TUBGCP5: variants seen among roughly 807,000 people sequenced by gnomAD.
TUBGCP5 encodes tubulin gamma complex component 5, also known as gamma-tubulin complex component 5.
Under a neutral mutation model 134.7 loss-of-function variants are expected in TUBGCP5, and 98 were observed. That is an observed-to-expected ratio of 0.73 (90% confidence interval 0.62 to 0.86). TUBGCP5 has a LOEUF of 0.86. Among genes scored for constraint, TUBGCP5 ranks in the 40% least tolerant of loss-of-function variants. The probability of loss-of-function intolerance (pLI) is 0.00; values close to 1 mark genes in which losing one functional copy is unlikely to be tolerated. For missense variants in TUBGCP5, 1,150 were observed against 1,244.8 expected (o/e 0.92, Z 1.15); for synonymous variants, 456 against 431.4 (o/e 1.06, Z -0.71).
chr15:22,994,195 C>A (rs2063963743), downstream of TUBGCP5, among the ~76,000 whole-genome samples: 1 of 152,104 alleles, frequency 6.6e-6, no homozygotes, highest in Non-Finnish European at 1.5e-5. Flanking sequence ...TCAAGAGATT[C>A]TCCTGCCTCA....
intron 7 of TUBGCP5, among the ~76,000 whole-genome samples, chr15:23,026,937 T>C (rs898108931): frequency 1.3e-4 from 20 of 151,344 alleles, no homozygotes; most frequent in Non-Finnish European, 5.9e-5. Flanking sequence ...TGTCTCCCCC[T>C]GCAAAAAAAA....
rs1567118330 is a variant in TUBGCP5, at chr15:23,010,192, A to T, written c.1956-59T>A. ...AGCTGCTGTCAACAGAACTCTCTTA[A>T]ATCAAAACCCTGAAGTTCCATTTTT... On this transcript the variant is annotated intron_variant, in intron 14 of 22. Coordinates refer to ENST00000615383, the MANE Select transcript of TUBGCP5 (RefSeq NM_052903.6). 9.2e-6 allele frequency: 14 copies of T among 1,527,252 alleles called. No homozygotes were observed. In the East Asian group the frequency reaches 1.4e-4, roughly 15 times the overall value. The allele number at this position is 1,527,252 out of a possible 1,614,324, so 94.6% of individuals were successfully genotyped here.
intron 8 of TUBGCP5, 23 bp from the exon 9 acceptor site, chr15:23,024,853 C>G (rs757477830): frequency 7.2e-7 from 1 of 1,382,978 alleles, no homozygotes; most frequent in South Asian, 1.2e-5. Context: ...TAAAAAAAGA[C>G]GAGTGTACTT....
At chr15:23,032,096 A>C in intron 4 of TUBGCP5, 67 bp from the exon 5 acceptor site, 1 of 1,172,370 alleles carries the variant, frequency 8.5e-7, no homozygotes, top group Non-Finnish European at 1.2e-6. Context: ...CCTCAAAACT[A>C]AGGAAAAAAG....
chr15:23,011,398 TA>T lies in TUBGCP5; in HGVS notation c.1757-68del, dbSNP rs2065023974. Reference sequence around the variant, plus strand: ...TAATCATATTAAGTAACATTCTGTTTAATCATATTAACATTAACAATATATT... The same window carrying T: ...TAATCATATTAAGTAACATTCTGTTTATCATATTAACATTAACAATATATT... On this transcript the variant is annotated intron_variant, in intron 13 of 22. Coordinates refer to ENST00000615383, the MANE Select transcript of TUBGCP5 (RefSeq NM_052903.6). 11 of 985,406 alleles carry T rather than the reference TA, an allele frequency of 1.1e-5. No individual in the cohort carries two copies. In the African/African-American group the frequency reaches 1.3e-4, roughly 12 times the overall value. The allele number at this position is 985,406 out of a possible 1,614,324, so 61.0% of individuals were successfully genotyped here.
intron 18 of TUBGCP5, 118 bp from the exon 19 acceptor site, chr15:23,005,728 CA>C: frequency 9.0e-7 from 1 of 1,107,102 alleles, no homozygotes; most frequent in Non-Finnish European, 1.3e-6. Context: ...AAAGCACTGG[CA>C]GGGGTGGCAG....
Position 23,024,147 on chromosome 15 carries a change from A to G in TUBGCP5, c.968T>C (p.Val323Ala), listed in dbSNP as rs2065866809. 2 of 1,614,104 alleles carry G rather than the reference A, an allele frequency of 1.2e-6. No homozygotes were observed. Among genetic ancestry groups the G allele is most frequent in the Non-Finnish European group, 1.7e-6 (2 of 1,180,010 alleles). The change falls in exon 10 of 23, where the codon GTT (valine) becomes GCT (alanine). Residue 323 changes from valine to alanine, a missense_variant. Physicochemically the swap from Val to Ala is moderately conservative, Grantham distance 64. Coordinates refer to ENST00000615383, the MANE Select transcript of TUBGCP5 (RefSeq NM_052903.6). ...AATGAACTCCTGGAGTCGAAACACA[A>G]CCTGGCCATATGCTGCTATTTGTTC... ...VLEQIAAYGQ[V>A]VFRLQEFIDE...
chr15:23,005,853 T>C, intron 18 of TUBGCP5, 199 bp downstream of exon 18: 1 of 673,036 alleles, frequency 1.5e-6, no homozygotes, highest in Non-Finnish European at 2.4e-6. Context: ...CTGATCTTTC[T>C]TTCAGGCATT....
At chr15:23,000,710 G>T in intron 21 of TUBGCP5, 41 bp from the exon 22 acceptor site, 1 of 1,463,860 alleles carries the variant, frequency 6.8e-7, no homozygotes, top group Non-Finnish European at 9.4e-7. Flanking sequence ...AGTGCATTGC[G>T]GGTATATAGG....
chr15:23,000,263 G>T, intron 22 of TUBGCP5: 6 of 1,242,040 alleles, frequency 4.8e-6, no homozygotes, highest in Non-Finnish European at 6.0e-6. Context: ...AAAAGAAATA[G>T]TTACAAAAAC....
chr15:23,011,965 T>C (rs72696022), intron 13 of TUBGCP5, among the ~76,000 whole-genome samples: 31,331 of 151,112 alleles, frequency 0.21, 3,741 homozygotes, highest in South Asian at 0.27. Context: ...AAAAATTAGC[T>C]GAGTGCAGTG....
At chr15:22,997,854 G>A (rs1234777895), downstream of TUBGCP5, among the ~76,000 whole-genome samples, 3 of 150,420 alleles carry the variant, frequency 2.0e-5, no homozygotes, top group Non-Finnish European at 4.4e-5. Flanking sequence ...CTGACCTCAT[G>A]ATCCACCCAC....
intron 12 of TUBGCP5, 40 bp from the exon 13 acceptor site, chr15:23,018,081 T>C: frequency 1.3e-6 from 2 of 1,550,980 alleles, no homozygotes; most frequent in Non-Finnish European, 8.7e-7. Flanking sequence ...TTATTTCTCT[T>C]TCTTAAAAAC....
At chr15:23,019,439 CTA>C (rs2140525406) in intron 11 of TUBGCP5, 105 bp from the exon 12 acceptor site, 4 of 744,274 alleles carry the variant, frequency 5.4e-6, no homozygotes, top group East Asian at 5.4e-5. Flanking sequence ...GATCGGATTT[CTA>C]TGTTTTTTGG....
chr15:23,005,893 G>A lies in TUBGCP5; in HGVS notation c.2533+159C>T, dbSNP rs933736604. Reference sequence around the variant, plus strand: ...GTCCATAAAACTACTGCTAGAATACGCACCATTTTGGCATTTGTGTACACA... The same window carrying A: ...GTCCATAAAACTACTGCTAGAATACACACCATTTTGGCATTTGTGTACACA... On this transcript the variant is annotated intron_variant, in intron 18 of 22. Coordinates refer to ENST00000615383, the MANE Select transcript of TUBGCP5 (RefSeq NM_052903.6). The A allele has an allele frequency of 6.6e-5, 50 of 761,958 alleles. 1 individual carries two copies. The South Asian group carries it at 7.0e-4, about 11-fold the overall frequency. 47.2% of individuals were successfully genotyped at this position (761,958 alleles called of 1,614,324 possible).
chr15:23,031,156 C>T, intron 5 of TUBGCP5, 136 bp from the exon 6 acceptor site: 1 of 801,000 alleles, frequency 1.2e-6, no homozygotes, highest in Non-Finnish European at 1.9e-6. Flanking sequence ...ATTTTTTTTT[C>T]CTAAATCTCT....
intron 23 of TUBGCP5, among the ~76,000 whole-genome samples, chr15:22,988,740 A>AAC (rs2063761283): frequency 1.3e-5 from 2 of 150,832 alleles, no homozygotes; most frequent in South Asian, 4.2e-4. Context: ...CGTCTCAAAA[A>AAC]AAAAAAAAAT....
At chr15:23,008,944 C>A in intron 15 of TUBGCP5, 63 bp from the exon 16 acceptor site, 2 of 1,397,794 alleles carry the variant, frequency 1.4e-6, no homozygotes, top group South Asian at 3.0e-5. Context: ...GATTCTGGAT[C>A]AACAACAGGT....
rs567759348 is a variant in TUBGCP5 at position 23,031,341 on chromosome 15, G to C, written c.487-321C>G. Among the ~76,000 whole-genome samples, 82 of 150,864 alleles carry C rather than the reference G, an allele frequency of 5.4e-4. 1 individual carries two copies. The highest frequency in any genetic ancestry group is 1.1e-3 in the Non-Finnish European group (73 of 67,798). On this transcript the variant is annotated intron_variant, in intron 5 of 22. Transcript: ENST00000615383. ...CTTCTTTTTTTTTTTTTGAGACAGA[G>C]TCTCTCGCTTTGTCATCCAGGTTGG...
Sources: gnomAD v4.1 joint callset for allele counts (sites outside exome capture counted in the v4.1 genomes callset) on GRCh38, gnomAD v4.1.1 for gene constraint, MANE v1.5 for transcripts, NCBI Gene and HGNC (gene_info 2026-07-23, HGNC 2026-07-21) for gene names.